Variants in DACH2 observed in about 807,000 individuals in gnomAD.
The protein encoded by DACH2 is dachshund homolog 2.
Under a neutral mutation model 35.8 loss-of-function variants are expected in DACH2, and 17 were observed. That is an observed-to-expected ratio of 0.48 (90% CI 0.33 to 0.71). The LOEUF is 0.71. Ranked by LOEUF, DACH2 falls within the 30% of genes least tolerant of loss-of-function variation. DACH2 has a pLI of 0.02. For missense variants in DACH2, 469 were observed against 472.7 expected (o/e 0.99, Z 0.07); for synonymous variants, 195 against 177.3 (o/e 1.10, Z -0.79).
intron 6 of DACH2, among the ~76,000 whole-genome samples, chrX:86,735,005 A>C (rs189463879): frequency 8.9e-6 from 1 of 112,055 alleles, no homozygotes; most frequent in Non-Finnish European, 1.9e-5. Flanking sequence ...TTAATAGATT[A>C]ACATTTGGAA....
chrX:86,366,784 C>T (rs866215910), intron 1 of DACH2, among the ~76,000 whole-genome samples: 6 of 109,304 alleles, frequency 5.5e-5, no homozygotes, highest in African/African-American at 2.0e-4. Context: ...GAAGAGTCTG[C>T]GACCCCACCC....
At chrX:86,617,756 T>G (rs1335579381) in intron 3 of DACH2, among the ~76,000 whole-genome samples, 1 of 112,119 alleles carries the variant, frequency 8.9e-6, no homozygotes, top group Non-Finnish European at 1.9e-5. Flanking sequence ...AGGGTTTTTC[T>G]GACTTTTAAA....
At chrX:86,815,100 A>G (rs1348238906) in intron 10 of DACH2, among the ~76,000 whole-genome samples, 1 of 111,746 alleles carries the variant, frequency 8.9e-6, no homozygotes, top group African/African-American at 3.3e-5. Context: ...TTTGCAGTAG[A>G]AGCAATAACA....
chrX:86,679,090 C>T (rs758532098), intron 4 of DACH2, among the ~76,000 whole-genome samples: 1 of 108,675 alleles, frequency 9.2e-6, no homozygotes, highest in East Asian at 2.9e-4. Flanking sequence ...AATGTTCTTT[C>T]CCACCTCCAT....
intron 1 of DACH2, chrX:86,160,960 G>C (rs1602243015): frequency 6.0e-6 from 5 of 831,129 alleles, no homozygotes; most frequent in Admixed American, 2.2e-5. Context: ...ATGTAGTCCA[G>C]AGCCTCAAGC....
At chrX:86,494,346 C>T (rs771333654) in intron 2 of DACH2, among the ~76,000 whole-genome samples, 1 of 111,991 alleles carries the variant, frequency 8.9e-6, no homozygotes, top group Non-Finnish European at 1.9e-5. Flanking sequence ...TTAGAACTCA[C>T]TAATAGATAC....
intron 1 of DACH2, among the ~76,000 whole-genome samples, chrX:86,154,329 T>A (rs1436882122): frequency 2.7e-5 from 3 of 111,496 alleles, no homozygotes; most frequent in African/African-American, 9.7e-5. Context: ...GAAAATATTA[T>A]GTTTTTGTGA....
chrX:86,757,965 A>G (rs2041845152), intron 7 of DACH2, among the ~76,000 whole-genome samples: 1 of 111,507 alleles, frequency 9.0e-6, no homozygotes, highest in Non-Finnish European at 1.9e-5. Flanking sequence ...CAGCTTTTCT[A>G]TTTCTTTCTG....
chrX:86,286,269 A>G (rs1364672764), intron 1 of DACH2, among the ~76,000 whole-genome samples: 1 of 105,369 alleles, frequency 9.5e-6, no homozygotes, highest in Non-Finnish European at 2.0e-5. Flanking sequence ...CTGGGACTAC[A>G]GGCGCCCGCC....
chrX:86,263,730 C>G lies in DACH2; in HGVS notation c.489-113094C>G, dbSNP rs980205493. On this transcript the variant is annotated intron_variant, in intron 1 of 11. Transcript: ENST00000373125. Reference sequence around the variant, plus strand: ...ATGCCATTGTCTGTGCTGTTCTTCTCTGTGTGAATCTAAGAGTTTACTTCT... The same window carrying G: ...ATGCCATTGTCTGTGCTGTTCTTCTGTGTGTGAATCTAAGAGTTTACTTCT... Among the ~76,000 whole-genome samples the G allele has an allele frequency of 3.6e-5, 4 of 111,529 alleles. No individual in the cohort carries two copies. In the Admixed American group the frequency reaches 3.8e-4, roughly 11 times the overall value.
intron 1 of DACH2, among the ~76,000 whole-genome samples, chrX:86,228,639 C>T (rs1294214059): frequency 9.1e-6 from 1 of 110,405 alleles, no homozygotes; most frequent in East Asian, 2.8e-4. Context: ...TTTTTTGATT[C>T]TTTGATTATG....
chrX:86,161,434 A>T (rs1446823539), intron 1 of DACH2: 1 of 528,661 alleles, frequency 1.9e-6, no homozygotes, highest in Non-Finnish European at 2.9e-6. Flanking sequence ...TGACTTTAAC[A>T]CACCTTCCTG....
At chrX:86,191,703 G>C (rs1242549967) in intron 1 of DACH2, among the ~76,000 whole-genome samples, 2 of 111,228 alleles carry the variant, frequency 1.8e-5, no homozygotes, top group Non-Finnish European at 1.9e-5. Flanking sequence ...CACTTTGGGA[G>C]GCTGAGACGG....
chrX:86,416,501 C>T (rs1055046180), intron 2 of DACH2, among the ~76,000 whole-genome samples: 1 of 111,801 alleles, frequency 8.9e-6, no homozygotes, highest in African/African-American at 3.3e-5. Flanking sequence ...CACTTGAGTG[C>T]CTTTAAACTG....
chrX:86,546,339 C>T (rs867124063), intron 3 of DACH2, among the ~76,000 whole-genome samples: 2,472 of 66,645 alleles, frequency 0.037, 268 homozygotes, highest in African/African-American at 0.14. Flanking sequence ...CTTCTTCTTC[C>T]TCTTCTTCTT....
At chrX:86,475,760 T>G (rs937159916) in intron 2 of DACH2, among the ~76,000 whole-genome samples, 3 of 112,096 alleles carry the variant, frequency 2.7e-5, no homozygotes, top group Admixed American at 1.9e-4. Flanking sequence ...TTGTTGTGTT[T>G]CAGATCTTAG....
chrX:86,640,784 C>G (rs1488337017), intron 3 of DACH2, among the ~76,000 whole-genome samples: 1 of 111,445 alleles, frequency 9.0e-6, no homozygotes, highest in Non-Finnish European at 1.9e-5. Flanking sequence ...TACCAACTGA[C>G]CAGTAAGGCT....
chrX:86,467,602 A>C (rs2037693337), intron 2 of DACH2, among the ~76,000 whole-genome samples: 1 of 111,356 alleles, frequency 9.0e-6, no homozygotes, highest in Admixed American at 9.6e-5. Flanking sequence ...TGTTGCCTCC[A>C]CATTTCCAGG....
At chrX:86,648,981 G>T (rs188220433) in intron 3 of DACH2, among the ~76,000 whole-genome samples, 57 of 109,474 alleles carry the variant, frequency 5.2e-4, no homozygotes, top group Admixed American at 1.7e-3. Flanking sequence ...AGCTACTTTA[G>T]GACTTTAACA....
Sources: allele counts gnomAD v4.1 joint callset (sites outside exome capture counted in the v4.1 genomes callset), GRCh38; gene constraint gnomAD v4.1.1; transcripts MANE v1.5; gene names NCBI Gene and HGNC (gene_info 2026-07-23, HGNC 2026-07-21).